Variants in RAP1B observed in about 807,000 individuals in gnomAD.
The protein encoded by RAP1B is RAP1B, member of RAS oncogene family, also known as ras-related protein Rap-1b.
RAP1B carries 1 observed loss-of-function variant against 27.5 expected under a neutral mutation model. That is an observed-to-expected ratio of 0.04 (90% CI 0.01 to 0.17). The LOEUF is 0.17. RAP1B is among the 10% of genes least tolerant of loss of function. RAP1B has a pLI of 1.00. For missense variants in RAP1B, 84 were observed against 214.8 expected (o/e 0.39, Z 3.81); for synonymous variants, 75 against 73.1 (o/e 1.03, Z -0.13).
At chr12:68,658,914 T>C (rs1874421811) in intron 7 of RAP1B, among the ~76,000 whole-genome samples, 1 of 152,254 alleles carries the variant, frequency 6.6e-6, no homozygotes, top group Admixed American at 6.5e-5. Flanking sequence ...AGTTTGTTAA[T>C]ATTGCTATCT....
rs1348426480 is a variant in RAP1B, at chr12:68,666,042, G to T, written c.*6793G>T. The T allele has an allele frequency of 6.6e-6, 1 of 152,112 alleles. No homozygotes were observed. The highest frequency in any genetic ancestry group is 1.5e-5 in the Non-Finnish European group (1 of 68,050). 9.4% of individuals were successfully genotyped at this position (152,112 alleles called of 1,614,324 possible). A position where few individuals can be genotyped will look rare whatever the true frequency, so the allele number is the denominator to read the frequency against. ...TAATTTTTCTATTTTTAGTAGAGAC[G>T]GGGTTTCGCCATCTTGGCCAGGCTG... On this transcript the variant is annotated 3_prime_UTR_variant, in exon 8 of 8. Coordinates refer to ENST00000250559, the MANE Select transcript of RAP1B (RefSeq NM_001010942.3).
At chr12:68,638,415 A>G (rs747072596) in intron 1 of RAP1B, among the ~76,000 whole-genome samples, 1 of 152,180 alleles carries the variant, frequency 6.6e-6, no homozygotes, top group Admixed American at 6.5e-5. Flanking sequence ...ATGTGGTTGC[A>G]TCTTGTCCTG....
chr12:68,653,929 C>CA (rs34544411), intron 4 of RAP1B, among the ~76,000 whole-genome samples, 183 bp from the exon 5 acceptor site: 4,989 of 133,758 alleles, frequency 0.037, 85 homozygotes, highest in South Asian at 0.049. Context: ...GACTCCGTCT[C>CA]AAAAAAAAAA....
intron 1 of RAP1B, chr12:68,624,939 A>G (rs1010913615): frequency 6.6e-6 from 1 of 152,268 alleles, no homozygotes; most frequent in Non-Finnish European, 1.5e-5. Context: ...CCCACTTTCC[A>G]TGTGTTCTTC....
At chr12:68,632,443 T>A (rs1022743947) in intron 1 of RAP1B, among the ~76,000 whole-genome samples, 3 of 151,946 alleles carry the variant, frequency 2.0e-5, no homozygotes, top group African/African-American at 4.8e-5. Context: ...CAAACAAAAA[T>A]TTTTTTTAAT....
intron 1 of RAP1B, among the ~76,000 whole-genome samples, chr12:68,616,664 C>T (rs1871040583): frequency 6.6e-6 from 1 of 151,658 alleles, no homozygotes; most frequent in African/African-American, 2.4e-5. Context: ...GAATTCCTGA[C>T]CTCAGGTGAT....
rs1870711536 is a variant in RAP1B, at chr12:68,612,958, C to T, written c.-27+1915C>T. 4.6e-5 allele frequency among the ~76,000 whole-genome samples: 7 copies of T among 152,324 alleles called. No individual in the cohort carries two copies. The South Asian group carries it at 1.4e-3, about 32-fold the overall frequency. ...GAAGTCCTAAAGTAAATCATTGGAACACATGTAGCCAGTTTGTTGTTTTTA... is the reference window on the plus strand; with the variant it reads ...GAAGTCCTAAAGTAAATCATTGGAATACATGTAGCCAGTTTGTTGTTTTTA... On this transcript the variant is annotated intron_variant, in intron 1 of 7. Coordinates refer to ENST00000250559, the MANE Select transcript of RAP1B (RefSeq NM_001010942.3).
rs1875070254 is a variant in RAP1B at position 68,671,038 on chromosome 12, A to AG, written c.*11789_*11790insG. The AG allele has an allele frequency of 1.3e-5, 2 of 151,998 alleles. No homozygotes were observed. 9.4% of individuals were successfully genotyped at this position (151,998 alleles called of 1,614,324 possible). ...AGTGATACTCCGTTTAAAAAAAAAA[A>AG]AAAAAAAAAAGGTAAACTATTCAAA... On this transcript the variant is annotated 3_prime_UTR_variant, in exon 8 of 8. Transcript: ENST00000250559.
At chr12:68,646,135 A>G (rs1873389945) in intron 1 of RAP1B, among the ~76,000 whole-genome samples, 1 of 152,204 alleles carries the variant, frequency 6.6e-6, no homozygotes, top group Non-Finnish European at 1.5e-5. Context: ...TTTGTGAAAT[A>G]AGAAAGGCAT....
At chr12:68,620,472 C>T (rs528318737) in intron 1 of RAP1B, among the ~76,000 whole-genome samples, 1 of 152,278 alleles carries the variant, frequency 6.6e-6, no homozygotes, top group South Asian at 2.1e-4. Context: ...ATCCGCCCAC[C>T]TCGGCCTCCC....
At chr12:68,641,409 G>T (rs1872994606) in intron 1 of RAP1B, among the ~76,000 whole-genome samples, 1 of 152,160 alleles carries the variant, frequency 6.6e-6, no homozygotes, top group African/African-American at 2.4e-5. Context: ...CCATGTCTTT[G>T]CTGTGGTTTG....
chr12:68,648,926 C>A, intron 2 of RAP1B, 145 bp downstream of exon 2: 1 of 737,072 alleles, frequency 1.4e-6, no homozygotes, highest in South Asian at 2.2e-5. Flanking sequence ...TAATTTTATT[C>A]AACTTTTAAT....
intron 1 of RAP1B, among the ~76,000 whole-genome samples, chr12:68,645,150 C>CA (rs1032816932): frequency 8.6e-5 from 13 of 151,968 alleles, no homozygotes; most frequent in East Asian, 1.9e-4. Flanking sequence ...GTGAGTAAAA[C>CA]AAAAAAAATC....
At chr12:68,649,941 C>A in intron 2 of RAP1B, 1 of 153,278 alleles carries the variant, frequency 6.5e-6, no homozygotes. Context: ...AGTGAAACCC[C>A]GTCTCTACTA....
chr12:68,628,159 G>T (rs1178529717), intron 1 of RAP1B, among the ~76,000 whole-genome samples: 2 of 152,116 alleles, frequency 1.3e-5, no homozygotes, highest in Non-Finnish European at 2.9e-5. Flanking sequence ...CTCCCTTGCA[G>T]CTAGGGCACA....
rs1385517044 is a variant in RAP1B at position 68,618,353 on chromosome 12, G to A, written c.-27+7310G>A. On this transcript the variant is annotated intron_variant, in intron 1 of 7. Coordinates refer to ENST00000250559, the MANE Select transcript of RAP1B (RefSeq NM_001010942.3). Reference sequence around the variant, plus strand: ...TCTGCCCGCCTCGGCCTCCCAAAGTGCTGGGATTGCAGGCGTGAGCCACCT... The same window carrying A: ...TCTGCCCGCCTCGGCCTCCCAAAGTACTGGGATTGCAGGCGTGAGCCACCT... Among the ~76,000 whole-genome samples the A allele has an allele frequency of 2.0e-5, 3 of 152,106 alleles. 1 individual carries two copies. The highest frequency in any genetic ancestry group is 4.8e-5 in the African/African-American group (2 of 41,410).
chr12:68,643,038 C>A, intron 1 of RAP1B: 1 of 727,754 alleles, frequency 1.4e-6, no homozygotes, highest in Non-Finnish European at 2.5e-6. Flanking sequence ...TCCACTGCAG[C>A]CGCCTTTAAC....
rs1874966394 is a variant in RAP1B at position 68,669,113 on chromosome 12, G to C, written c.*9864G>C. On this transcript the variant is annotated 3_prime_UTR_variant, in exon 8 of 8. Transcript: ENST00000250559. Reference sequence around the variant, plus strand: ...AGGAACTTGGCTGGATATAAGATAAGCATGCCAAAAATCAATAGCTTTTCT... The same window carrying C: ...AGGAACTTGGCTGGATATAAGATAACCATGCCAAAAATCAATAGCTTTTCT... The C allele has an allele frequency of 6.6e-6, 1 of 152,058 alleles. No homozygotes were observed. 9.4% of individuals were successfully genotyped at this position (152,058 alleles called of 1,614,324 possible).
chr12:68,643,441 TTGAG>T (rs1193123261), intron 1 of RAP1B, among the ~76,000 whole-genome samples: 4 of 152,224 alleles, frequency 2.6e-5, no homozygotes, highest in African/African-American at 9.6e-5. Flanking sequence ...AGTATTTACA[TTGAG>T]TATTTCTTTT....
Sources: gnomAD v4.1 joint callset for allele counts (sites outside exome capture counted in the v4.1 genomes callset) on GRCh38, gnomAD v4.1.1 for gene constraint, MANE v1.5 for transcripts, NCBI Gene and HGNC (gene_info 2026-07-23, HGNC 2026-07-21) for gene names.